Variants in NRXN3 observed in about 807,000 individuals in gnomAD.
NRXN3 encodes neurexin III.
Under a neutral mutation model 137.6 loss-of-function variants are expected in NRXN3, and 32 were observed. That is an observed-to-expected ratio of 0.23 (90% CI 0.18 to 0.31). The LOEUF is 0.31. Ranked by LOEUF, NRXN3 falls within the 10% of genes least tolerant of loss-of-function variation. NRXN3 has a pLI of 1.00. For missense variants in NRXN3, 1,574 were observed against 2,062.5 expected (o/e 0.76, Z 4.59); for synonymous variants, 798 against 784.5 (o/e 1.02, Z -0.29).
At chr14:78,409,024 T>C (rs1030888152) in intron 4 of NRXN3, among the ~76,000 whole-genome samples, 3 of 152,222 alleles carry the variant, frequency 2.0e-5, no homozygotes, top group South Asian at 2.1e-4. Context: ...TTTAATATCA[T>C]GGGATAAAAC....
intron 16 of NRXN3, among the ~76,000 whole-genome samples, chr14:79,659,137 T>C (rs1021798682): frequency 3.9e-5 from 6 of 152,120 alleles, no homozygotes; most frequent in Admixed American, 6.6e-5. Context: ...ACAGTCATTA[T>C]TGATGAAGAG....
intron 4 of NRXN3, among the ~76,000 whole-genome samples, chr14:78,427,127 G>A (rs1463173316): frequency 6.6e-6 from 1 of 152,184 alleles, no homozygotes; most frequent in Non-Finnish European, 1.5e-5. Context: ...TTAGGAGGCA[G>A]CGGTGCCCCC....
rs576948263 is a variant in NRXN3 at position 78,376,954 on chromosome 14, G to T, written c.757+79094G>T. Among the ~76,000 whole-genome samples, 6 of 151,594 alleles carry T rather than the reference G, an allele frequency of 4.0e-5. No individual in the cohort carries two copies. The East Asian group carries it at 1.2e-3, about 29-fold the overall frequency. On this transcript the variant is annotated intron_variant, in intron 4 of 20. Transcript: ENST00000335750. ...TATACTTTGTATGTAAAAACATTAT[G>T]GACAAATCAAAACGGAATTCTAAAA...
intron 15 of NRXN3, among the ~76,000 whole-genome samples, chr14:79,336,323 C>T (rs2092257280): frequency 1.3e-5 from 2 of 152,270 alleles, no homozygotes; most frequent in South Asian, 2.1e-4. Context: ...CACCTTTTGA[C>T]AATCCTACAC....
intron 15 of NRXN3, among the ~76,000 whole-genome samples, chr14:79,356,901 G>A (rs1161137442): frequency 1.3e-5 from 2 of 151,974 alleles, no homozygotes; most frequent in African/African-American, 4.8e-5. Context: ...GCTAATTTTT[G>A]TATTTTTAGT....
chr14:78,902,421 T>C (rs1377486195), intron 10 of NRXN3, among the ~76,000 whole-genome samples: 1 of 152,104 alleles, frequency 6.6e-6, no homozygotes, highest in Non-Finnish European at 1.5e-5. Flanking sequence ...ATAAAGTGCA[T>C]TTTATGAAGC....
chr14:79,366,595 TTC>T (rs1245273587), intron 15 of NRXN3, among the ~76,000 whole-genome samples: 1 of 152,196 alleles, frequency 6.6e-6, no homozygotes, highest in African/African-American at 2.4e-5. Flanking sequence ...CTTCTCCTCT[TTC>T]TCTGTCTTCT....
intron 15 of NRXN3, among the ~76,000 whole-genome samples, chr14:79,272,035 G>A (rs931049909): frequency 6.6e-5 from 10 of 152,060 alleles, no homozygotes; most frequent in South Asian, 2.1e-4. Context: ...CTCAGTTTAC[G>A]TGTTACCTTG....
chr14:79,239,395 A>G (rs1003818312), intron 15 of NRXN3, among the ~76,000 whole-genome samples: 1 of 152,134 alleles, frequency 6.6e-6, no homozygotes, highest in Non-Finnish European at 1.5e-5. Context: ...AATTCTGGAT[A>G]AAGGATCTGA....
intron 16 of NRXN3, among the ~76,000 whole-genome samples, chr14:79,628,810 C>T (rs2098311255): frequency 6.6e-6 from 1 of 152,182 alleles, no homozygotes; most frequent in Admixed American, 6.5e-5. Flanking sequence ...CTTCAGAAAA[C>T]TGTACGACGT....
rs558477023 is a variant in NRXN3, at chr14:79,501,772, G to A, written c.3444+34370G>A. 2.0e-5 allele frequency among the ~76,000 whole-genome samples: 3 copies of A among 152,076 alleles called. No homozygotes were observed. In the South Asian group the frequency reaches 6.2e-4, roughly 32 times the overall value. ...AAAAAAAAAAAAGCATGTTAGACGA[G>A]GTCAGGGACTCTAAAACTGAGACCC... On this transcript the variant is annotated intron_variant, in intron 16 of 20. Transcript: ENST00000335750.
At chr14:78,971,220 C>G (rs1340706554) in intron 14 of NRXN3, among the ~76,000 whole-genome samples, 1 of 152,000 alleles carries the variant, frequency 6.6e-6, no homozygotes, top group African/African-American at 2.4e-5. Flanking sequence ...TTCTGAATCT[C>G]TTGTGTAGAG....
intron 10 of NRXN3, among the ~76,000 whole-genome samples, chr14:78,905,541 T>C (rs2099213290): frequency 6.6e-6 from 1 of 152,038 alleles, no homozygotes; most frequent in Admixed American, 6.6e-5. Flanking sequence ...ATGATAAAAG[T>C]TGTAATGTTG....
chr14:78,763,915 TTA>T (rs1483415548), intron 8 of NRXN3, among the ~76,000 whole-genome samples: 2 of 152,170 alleles, frequency 1.3e-5, no homozygotes, highest in Non-Finnish European at 2.9e-5. Context: ...CTGTTGCAAC[TTA>T]GAGTTGCAAG....
At chr14:78,836,772 T>C (rs942367732) in intron 10 of NRXN3, among the ~76,000 whole-genome samples, 1 of 152,162 alleles carries the variant, frequency 6.6e-6, no homozygotes, top group African/African-American at 2.4e-5. Context: ...GAGATGTGAA[T>C]AGGACAATTT....
chr14:78,620,563 C>T (rs2097393769), intron 4 of NRXN3, among the ~76,000 whole-genome samples: 1 of 152,030 alleles, frequency 6.6e-6, no homozygotes, highest in Non-Finnish European at 1.5e-5. Context: ...AGACCCTCAC[C>T]CAGAGTGGAT....
intron 18 of NRXN3, among the ~76,000 whole-genome samples, chr14:79,695,110 G>A (rs1034907812): frequency 6.6e-6 from 1 of 151,866 alleles, no homozygotes; most frequent in Admixed American, 6.6e-5. Flanking sequence ...CCTGATGCTT[G>A]GGTCAGTCTT....
At position 79,051,038 on chromosome 14, in the gene NRXN3, C is replaced by A. The variant is rs73320804; in HGVS notation, c.3262+62897C>A. Among the ~76,000 whole-genome samples, 1,380 of 152,218 alleles carry A rather than the reference C, an allele frequency of 9.1e-3. 14 individuals carry two copies. Among genetic ancestry groups the A allele is most frequent in the African/African-American group, 0.028 (1,162 of 41,524 alleles). Reference sequence around the variant, plus strand: ...TCCTATGAGGGGATACTATTGTTATCCTCATTTTATTGCTGTGGATGCTGA... The same window carrying A: ...TCCTATGAGGGGATACTATTGTTATACTCATTTTATTGCTGTGGATGCTGA... On this transcript the variant is annotated intron_variant, in intron 15 of 20. Coordinates refer to ENST00000335750, the MANE Select transcript of NRXN3 (RefSeq NM_001330195.2).
At chr14:78,853,719 C>A (rs969624201) in intron 10 of NRXN3, among the ~76,000 whole-genome samples, 1 of 152,046 alleles carries the variant, frequency 6.6e-6, no homozygotes, top group Non-Finnish European at 1.5e-5. Flanking sequence ...ATGAAATAAG[C>A]TATTTATCTT....
Sources: allele counts gnomAD v4.1 joint callset (sites outside exome capture counted in the v4.1 genomes callset), GRCh38; gene constraint gnomAD v4.1.1; transcripts MANE v1.5; gene names NCBI Gene and HGNC (gene_info 2026-07-23, HGNC 2026-07-21).